ADAMTSL1: variants seen among roughly 807,000 people sequenced by gnomAD.
The protein encoded by ADAMTSL1 is ADAMTS-like protein 1.
A neutral mutation model predicts 201.8 loss-of-function variants in ADAMTSL1; 126 were observed. That is an observed-to-expected ratio of 0.62 (90% confidence interval 0.54 to 0.72). ADAMTSL1 has a LOEUF of 0.72. Among genes scored for constraint, ADAMTSL1 ranks in the 30% least tolerant of loss-of-function variants. The pLI is 0.00. For synonymous variants in ADAMTSL1, 1,121 were observed against 903.4 expected, an observed-to-expected ratio of 1.24 and a Z score of -4.32; for missense variants, 2,679 against 2,277.8, an observed-to-expected ratio of 1.18 and a Z score of -3.59.
chr9:18,738,706 G>C (rs1451721434), intron 15 of ADAMTSL1, among the ~76,000 whole-genome samples: 2 of 152,172 alleles, frequency 1.3e-5, no homozygotes, highest in Non-Finnish European at 2.9e-5. Flanking sequence ...CAGAATGTGA[G>C]GCTGCATGAA....
intron 6 of ADAMTSL1, 35 bp from the exon 7 acceptor site, chr9:18,639,219 A>G (rs752595070): frequency 2.5e-6 from 4 of 1,609,606 alleles, no homozygotes; most frequent in Non-Finnish European, 1.7e-6. Flanking sequence ...CCCTAGGAAC[A>G]TCTTTCTCTC....
chr9:18,122,774 T>A (rs1224636821), intron 1 of ADAMTSL1, among the ~76,000 whole-genome samples: 1 of 151,950 alleles, frequency 6.6e-6, no homozygotes, highest in Non-Finnish European at 1.5e-5. Context: ...GCAGGGCAGG[T>A]TGGTTTTTTG....
intron 2 of ADAMTSL1, among the ~76,000 whole-genome samples, chr9:18,194,766 T>A (rs1829107596): frequency 6.6e-6 from 1 of 152,058 alleles, no homozygotes; most frequent in Non-Finnish European, 1.5e-5. Flanking sequence ...CTGCTTCTCT[T>A]CTTTTTCCTC....
At chr9:18,105,737 G>A (rs559049496) in intron 1 of ADAMTSL1, among the ~76,000 whole-genome samples, 2 of 152,318 alleles carry the variant, frequency 1.3e-5, no homozygotes, top group African/African-American at 4.8e-5. Context: ...TCACTAGAAT[G>A]TATACATAGA....
chr9:18,870,602 C>T (rs141546374), intron 23 of ADAMTSL1, among the ~76,000 whole-genome samples: 1 of 152,250 alleles, frequency 6.6e-6, no homozygotes, highest in African/African-American at 2.4e-5. Context: ...AGCCCCCAGA[C>T]TCTGACCTCT....
intron 4 of ADAMTSL1, among the ~76,000 whole-genome samples, chr9:18,611,250 G>T (rs1825342537): frequency 6.6e-6 from 1 of 152,116 alleles, no homozygotes; most frequent in Non-Finnish European, 1.5e-5. Flanking sequence ...TTCCCTCTTG[G>T]GTACTTCACA....
intron 3 of ADAMTSL1, among the ~76,000 whole-genome samples, chr9:18,537,435 T>C (rs1031800281): frequency 1.3e-5 from 2 of 152,020 alleles, no homozygotes; most frequent in Admixed American, 6.6e-5. Context: ...GTCAAGGAAA[T>C]CATAAAGCCA....
intron 1 of ADAMTSL1, among the ~76,000 whole-genome samples, chr9:18,074,244 T>C (rs1223143324): frequency 6.6e-6 from 1 of 152,146 alleles, no homozygotes; most frequent in Non-Finnish European, 1.5e-5. Flanking sequence ...TTGCTCAGCT[T>C]CTGTGGTCAT....
chr9:18,550,603 C>T (rs1358185994), intron 3 of ADAMTSL1, among the ~76,000 whole-genome samples: 6 of 151,840 alleles, frequency 4.0e-5, no homozygotes, highest in South Asian at 4.2e-4. Flanking sequence ...GATTCATCTC[C>T]GCAGCCTCTA....
rs77952663 is a variant in ADAMTSL1, at chr9:18,168,575, G to T, written c.207+4594G>T. Among the ~76,000 whole-genome samples the T allele has an allele frequency of 4.0e-5, 6 of 151,370 alleles. No homozygotes were observed. In the South Asian group the frequency reaches 8.4e-4, roughly 21 times the overall value. ...AGTCTTTGCTATTGTGAATAATGCC[G>T]CACTAAACATACGTGTGCCTGTGTC... On this transcript the variant is annotated intron_variant, in intron 2 of 29. Transcript: ENST00000680146.
At chr9:18,070,587 A>G (rs1440228646) in intron 1 of ADAMTSL1, among the ~76,000 whole-genome samples, 1 of 152,176 alleles carries the variant, frequency 6.6e-6, no homozygotes, top group Admixed American at 6.5e-5. Flanking sequence ...TAAGAAGGGA[A>G]AGATTTCGGT....
chr9:18,288,034 A>G (rs1230979163), intron 2 of ADAMTSL1, among the ~76,000 whole-genome samples: 1 of 152,130 alleles, frequency 6.6e-6, no homozygotes, highest in African/African-American at 2.4e-5. Context: ...GCTTGAAAGA[A>G]CTGAGCCTGA....
chr9:18,268,175 G>A (rs961638725), intron 2 of ADAMTSL1, among the ~76,000 whole-genome samples: 19 of 152,106 alleles, frequency 1.2e-4, no homozygotes, highest in Non-Finnish European at 1.9e-4. Context: ...GATACTTTAA[G>A]TCACTGTGTT....
At chr9:18,654,614 A>G (rs1828505142) in intron 7 of ADAMTSL1, among the ~76,000 whole-genome samples, 1 of 152,250 alleles carries the variant, frequency 6.6e-6, no homozygotes, top group Non-Finnish European at 1.5e-5. Flanking sequence ...ATTTATAGAT[A>G]TATAACTGCT....
intron 2 of ADAMTSL1, among the ~76,000 whole-genome samples, chr9:18,305,193 C>T (rs1217738050): frequency 1.3e-5 from 2 of 152,192 alleles, no homozygotes; most frequent in Non-Finnish European, 2.9e-5. Flanking sequence ...ATGCTTTTCC[C>T]ATGGTCTTCA....
chr9:18,139,410 A>C (rs1314074693), intron 1 of ADAMTSL1, among the ~76,000 whole-genome samples: 7 of 152,124 alleles, frequency 4.6e-5, no homozygotes, highest in Admixed American at 3.9e-4. Flanking sequence ...TTTGTGATGA[A>C]TGAAAGCTTC....
Position 18,064,448 on chromosome 9 carries a change from A to G in ADAMTSL1, c.88-99414A>G, listed in dbSNP as rs552230887. Among the ~76,000 whole-genome samples the G allele has an allele frequency of 5.3e-4, 81 of 152,318 alleles. 1 individual carries two copies. In the South Asian group the frequency reaches 0.016, roughly 30 times the overall value. On this transcript the variant is annotated intron_variant, in intron 1 of 29. Transcript: ENST00000680146. Reference sequence around the variant, plus strand: ...TACAATTTAGGAGTTCTATTTCATTAGAGTTAATTCCAAAAGGCTATCTAT... The same window carrying G: ...TACAATTTAGGAGTTCTATTTCATTGGAGTTAATTCCAAAAGGCTATCTAT...
intron 1 of ADAMTSL1, among the ~76,000 whole-genome samples, chr9:18,502,109 C>T (rs1437872658): frequency 2.0e-5 from 3 of 152,194 alleles, no homozygotes; most frequent in Admixed American, 1.3e-4. Context: ...ATTTGGCATT[C>T]GAGTGTTCTT....
chr9:18,668,547 AT>A (rs1829613168), intron 9 of ADAMTSL1, among the ~76,000 whole-genome samples: 1 of 152,102 alleles, frequency 6.6e-6, no homozygotes, highest in Non-Finnish European at 1.5e-5. Context: ...TTCCATCCTT[AT>A]TTTTAACTTC....
Sources: allele counts gnomAD v4.1 joint callset (sites outside exome capture counted in the v4.1 genomes callset), GRCh38; gene constraint gnomAD v4.1.1; transcripts MANE v1.5; gene names NCBI Gene and HGNC (gene_info 2026-07-23, HGNC 2026-07-21).